ADAT1: variants seen among roughly 807,000 people sequenced by gnomAD.
ADAT1 encodes the protein adenosine deaminase tRNA specific 1, also known as tRNA-specific adenosine deaminase 1.
In ADAT1, 58 loss-of-function variants were observed where a neutral mutation model predicts 58.6. The observed-to-expected ratio is 0.99, with a 90% CI of 0.80 to 1.23. ADAT1 has a LOEUF of 1.23. Among genes scored for constraint, ADAT1 ranks in the 50% most tolerant of loss-of-function variants. The pLI, the probability that ADAT1 is intolerant of heterozygous loss-of-function variation, is 0.00. For synonymous variants in ADAT1, 254 were observed against 220.8 expected, an observed-to-expected ratio of 1.15 and a Z score of -1.33; for missense variants, 741 against 608.6, an observed-to-expected ratio of 1.22 and a Z score of -2.29.
At position 75,620,857 on chromosome 16, in the gene ADAT1, G is replaced by A. The variant is rs1567488589; in HGVS notation, c.-21-37C>T. On this transcript the variant is annotated intron_variant, in intron 1 of 9. Transcript: ENST00000564657. The stretch of plus-strand genomic sequence containing the variant: ...ACCACAACCATCAGAAGTACGGAAA[G>A]GAGAACCAGTGCACGATGCTACAGC... 7.7e-6 allele frequency: 12 copies of A among 1,563,868 alleles called. No individual in the cohort carries two copies. The African/African-American group carries it at 1.2e-4, about 16-fold the overall frequency.
rs1300189946 is a variant in ADAT1 at position 75,617,177 on chromosome 16, T to G, written c.389A>C (p.Asp130Ala). Residue 130 changes from aspartate to alanine, a missense_variant, in exon 5 of 10, where the codon GAC becomes GCC. Asp to Ala is a moderately radical substitution (Grantham distance 126, BLOSUM62 -2). Coordinates refer to ENST00000564657, the MANE Select transcript of ADAT1 (RefSeq NM_001324445.2). ...TQKGVWKLRR[D>A]LIFVFFSSHT... ...GCTGGAGAAAAACACAAAAATGAGG[T>G]CTCGTCTAAGTTTCCACACTCCTTT... 6.2e-7 allele frequency: 1 copy of G among 1,613,656 alleles called. No individual in the cohort carries two copies. Among genetic ancestry groups the G allele is most frequent in the Non-Finnish European group, 8.5e-7 (1 of 1,179,648 alleles).
At chr16:75,607,495 C>T (rs1408200200) in intron 8 of ADAT1, among the ~76,000 whole-genome samples, 3 of 135,900 alleles carry the variant, frequency 2.2e-5, no homozygotes, top group Non-Finnish European at 4.6e-5. Flanking sequence ...GAGCAAGACT[C>T]TATCTCAAAA....
At position 75,608,334 on chromosome 16, in the gene ADAT1, A is replaced by G; in HGVS notation, c.1190-11T>C. ...CACTCCAGCTGATGGCTATGAAAAG[A>G]TAAGATTCTAGGGTTAAAACTGCTC... On this transcript the variant is annotated splice_polypyrimidine_tract_variant and intron_variant, in intron 7 of 9. Coordinates refer to ENST00000564657, the MANE Select transcript of ADAT1 (RefSeq NM_001324445.2). The G allele has an allele frequency of 1.2e-6, 2 of 1,610,574 alleles. No homozygotes were observed. The highest frequency in any genetic ancestry group is 1.3e-5 in the African/African-American group (1 of 74,976).
At position 75,600,076 on chromosome 16, in the gene ADAT1, C is replaced by T; in HGVS notation, c.*140G>A. The T allele has an allele frequency of 2.0e-6, 3 of 1,493,768 alleles. No individual in the cohort carries two copies. The South Asian group carries it at 4.2e-5, about 21-fold the overall frequency. 92.5% of individuals were successfully genotyped at this position (1,493,768 alleles called of 1,614,324 possible). On this transcript the variant is annotated 3_prime_UTR_variant, in exon 10 of 10. Coordinates refer to ENST00000564657, the MANE Select transcript of ADAT1 (RefSeq NM_001324445.2). ...TATAGCTTGCTCTAAGTTCCAGATTCCATCTGTATTACACAACAGAGATGC... is the reference window on the plus strand; with the variant it reads ...TATAGCTTGCTCTAAGTTCCAGATTTCATCTGTATTACACAACAGAGATGC...
rs181727776 is a variant in ADAT1, at chr16:75,598,277, T to C, written c.*1939A>G. On this transcript the variant is annotated 3_prime_UTR_variant, in exon 10 of 10. Transcript: ENST00000564657. ...TTTTTAGTAGAAAGGGGCTTCACCATGTTGGCCAGGATGGTCTTGATCTCC... is the reference window on the plus strand; with the variant it reads ...TTTTTAGTAGAAAGGGGCTTCACCACGTTGGCCAGGATGGTCTTGATCTCC... The C allele has an allele frequency of 3.0e-4, 107 of 351,348 alleles. 2 individuals are homozygous for C. Among genetic ancestry groups the C allele is most frequent in the African/African-American group, 1.7e-3 (77 of 44,712 alleles). 21.8% of individuals were successfully genotyped at this position (351,348 alleles called of 1,614,324 possible).
At chr16:75,613,388 A>G (rs998881346) in intron 5 of ADAT1, among the ~76,000 whole-genome samples, 9 of 151,858 alleles carry the variant, frequency 5.9e-5, no homozygotes, top group African/African-American at 1.2e-4. Context: ...TGCAATCTCT[A>G]CCTCCTGGGT....
In ADAT1 at chr16:75,597,226, G is replaced by T; in HGVS notation, c.*2990C>A. On this transcript the variant is annotated 3_prime_UTR_variant, in exon 10 of 10. Coordinates refer to ENST00000564657, the MANE Select transcript of ADAT1 (RefSeq NM_001324445.2). ...GATGAAATCAGACTGGATTAGGGCA[G>T]GCCCTAAATCCAATTACTGGGGTCC... is the stretch of plus-strand genomic sequence containing the variant. 3.1e-6 allele frequency: 1 copy of T among 317,736 alleles called. No homozygotes were observed. The highest frequency in any genetic ancestry group is 2.2e-5 in the African/African-American group (1 of 45,814). The allele number at this position is 317,736 out of a possible 1,614,324, so 19.7% of individuals were successfully genotyped here.
rs1387619413 is a variant in ADAT1, at chr16:75,612,449, G to A, written c.837C>T (p.His279=). Residue 279 remains histidine, a synonymous_variant, in exon 6 of 10, where the codon CAC becomes CAT. Coordinates refer to ENST00000564657, the MANE Select transcript of ADAT1 (RefSeq NM_001324445.2). ...GDSGKPGAAF[H]QVGLLRVKPG... ...GCTTCACTCGGAGCAGCCCCACCTGGTGAAACGCAGCACCCGGCTTTCCGG... is the reference window on the plus strand; with the variant it reads ...GCTTCACTCGGAGCAGCCCCACCTGATGAAACGCAGCACCCGGCTTTCCGG... 1.2e-6 allele frequency: 2 copies of A among 1,614,178 alleles called. No individual in the cohort carries two copies.
Position 75,598,266 on chromosome 16 carries a change from G to A in ADAT1, c.*1950C>T, listed in dbSNP as rs1291518211. 2.8e-6 allele frequency: 1 copy of A among 362,020 alleles called. No individual in the cohort carries two copies. The highest frequency in any genetic ancestry group is 3.3e-5 in the Admixed American group (1 of 30,410). 22.4% of individuals were successfully genotyped at this position (362,020 alleles called of 1,614,324 possible). On this transcript the variant is annotated 3_prime_UTR_variant, in exon 10 of 10. Coordinates refer to ENST00000564657, the MANE Select transcript of ADAT1 (RefSeq NM_001324445.2). ...TAATTTTTGTATTTTTAGTAGAAAG[G>A]GGCTTCACCATGTTGGCCAGGATGG...
intron 9 of ADAT1, among the ~76,000 whole-genome samples, chr16:75,602,722 G>C (rs2081263513): frequency 6.6e-6 from 1 of 152,176 alleles, no homozygotes; most frequent in African/African-American, 2.4e-5. Flanking sequence ...TTAAGTCATG[G>C]AGCTGCAAGT....
At chr16:75,610,399 T>C (rs1175259515) in intron 6 of ADAT1, among the ~76,000 whole-genome samples, 2 of 151,836 alleles carry the variant, frequency 1.3e-5, no homozygotes, top group East Asian at 1.9e-4. Flanking sequence ...GTGGCTCTGG[T>C]GATCCTCCCA....
At position 75,617,148 on chromosome 16, in the gene ADAT1, T is replaced by C; in HGVS notation, c.418A>G (p.Thr140Ala). The change falls in exon 5 of 10, where the codon ACA (threonine) becomes GCA (alanine). Residue 140 changes from threonine to alanine, a missense_variant. Transcript: ENST00000564657. ...AAGGCTTGAATATACTTACAGGGTG[T>C]ATGGCTGGAGAAAAACACAAAAATG... ...DLIFVFFSSH[T>A]PCGDASIIPM... 6.2e-7 allele frequency: 1 copy of C among 1,613,432 alleles called. No individual in the cohort carries two copies.
In ADAT1 at chr16:75,622,542, C is replaced by G. The variant is rs2081965009; in HGVS notation, c.-161G>C. On this transcript the variant is annotated 5_prime_UTR_variant, in exon 1 of 10. Coordinates refer to ENST00000564657, the MANE Select transcript of ADAT1 (RefSeq NM_001324445.2). ...GAAGTTGCCAGAAGAAACAGTGACTCTCTTTAAGATGAAGCAGCCCAGAAC... is the reference window on the plus strand; with the variant it reads ...GAAGTTGCCAGAAGAAACAGTGACTGTCTTTAAGATGAAGCAGCCCAGAAC... The G allele has an allele frequency of 1.3e-5, 2 of 152,164 alleles. No homozygotes were observed. Among genetic ancestry groups the G allele is most frequent in the African/African-American group, 2.4e-5 (1 of 41,432 alleles). The allele number at this position is 152,164 out of a possible 1,614,324, so 9.4% of individuals were successfully genotyped here. A position where few individuals can be genotyped will look rare whatever the true frequency, so the allele number is the denominator to read the frequency against.
At chr16:75,613,189 G>C (rs9788802) in intron 5 of ADAT1, among the ~76,000 whole-genome samples, 14,815 of 152,214 alleles carry the variant, frequency 0.097, 2,383 homozygotes, top group East Asian at 0.7. Context: ...CAGTGAGTTG[G>C]AATTTCTGGA....
Position 75,599,625 on chromosome 16 carries a change from C to G in ADAT1, c.*591G>C, listed in dbSNP as rs1324841354. 1 of 985,784 alleles carries G rather than the reference C, an allele frequency of 1.0e-6. No homozygotes were observed. The highest frequency in any genetic ancestry group is 1.2e-6 in the Non-Finnish European group (1 of 830,056). The allele number at this position is 985,784 out of a possible 1,614,324, so 61.1% of individuals were successfully genotyped here. On this transcript the variant is annotated 3_prime_UTR_variant, in exon 10 of 10. Coordinates refer to ENST00000564657, the MANE Select transcript of ADAT1 (RefSeq NM_001324445.2). Reference sequence around the variant, plus strand: ...TTATGTGACCCTTACAGCTCCAGATCAAAACAGAAAGCCTTTCCTGATACC... The same window carrying G: ...TTATGTGACCCTTACAGCTCCAGATGAAAACAGAAAGCCTTTCCTGATACC...
intron 1 of ADAT1, among the ~76,000 whole-genome samples, chr16:75,621,170 G>T (rs2081921202): frequency 6.6e-6 from 1 of 151,950 alleles, no homozygotes; most frequent in Non-Finnish European, 1.5e-5. Flanking sequence ...GCATGTAAAG[G>T]GTTGCAGACT....
intron 6 of ADAT1, among the ~76,000 whole-genome samples, chr16:75,609,294 G>A (rs1161846216): frequency 6.6e-6 from 1 of 152,170 alleles, no homozygotes; most frequent in African/African-American, 2.4e-5. Context: ...ACATTAATGT[G>A]TTGGCACCTG....
intron 7 of ADAT1, 198 bp from the exon 8 acceptor site, chr16:75,608,521 C>T (rs1266295756): frequency 1.7e-6 from 1 of 581,248 alleles, no homozygotes; most frequent in African/African-American, 1.9e-5. Context: ...ATTATGATAG[C>T]TAACAATCAC....
At chr16:75,615,535 A>T (rs1423138497) in intron 5 of ADAT1, among the ~76,000 whole-genome samples, 1 of 148,754 alleles carries the variant, frequency 6.7e-6, no homozygotes, top group Non-Finnish European at 1.5e-5. Flanking sequence ...AAAATCTCAT[A>T]ATGTTTTAAG....
Sources: allele counts gnomAD v4.1 joint callset (sites outside exome capture counted in the v4.1 genomes callset), GRCh38; gene constraint gnomAD v4.1.1; transcripts MANE v1.5; gene names NCBI Gene and HGNC (gene_info 2026-07-23, HGNC 2026-07-21).